SYT9: variants seen among roughly 807,000 people sequenced by gnomAD.
SYT9 encodes the protein synaptotagmin 9, also known as synaptotagmin-9.
A neutral mutation model predicts 48.4 loss-of-function variants in SYT9; 22 were observed. The ratio of observed to expected loss-of-function variants is 0.45; its 90% CI spans 0.32 to 0.65. The LOEUF (loss-of-function observed/expected upper bound fraction) is 0.65. Ranked by LOEUF, SYT9 falls within the 30% of genes least tolerant of loss-of-function variation. The pLI, the probability that SYT9 is intolerant of heterozygous loss-of-function variation, is 0.03. For synonymous variants in SYT9, 265 were observed against 245.0 expected, an observed-to-expected ratio of 1.08 and a Z score of -0.76; for missense variants, 577 against 622.0, an observed-to-expected ratio of 0.93 and a Z score of 0.77.
At chr11:7,338,816 TTC>T (rs1849669843) in intron 3 of SYT9, among the ~76,000 whole-genome samples, 1 of 152,156 alleles carries the variant, frequency 6.6e-6, no homozygotes, top group African/African-American at 2.4e-5. Context: ...AGAATATATA[TTC>T]TGTTTTTGAG....
At chr11:7,273,270 C>A (rs1206874087) in intron 1 of SYT9, among the ~76,000 whole-genome samples, 1 of 151,700 alleles carries the variant, frequency 6.6e-6, no homozygotes, top group Non-Finnish European at 1.5e-5. Context: ...AAAAGAGTTT[C>A]AAATCTTATT....
rs547871320 is a variant in SYT9, at chr11:7,281,363, A to G, written c.146-21676A>G. 3.5e-4 allele frequency among the ~76,000 whole-genome samples: 53 copies of G among 152,358 alleles called. 1 individual carries two copies. The South Asian group carries it at 4.6e-3, about 13-fold the overall frequency. On this transcript the variant is annotated intron_variant, in intron 1 of 6. Coordinates refer to ENST00000318881, the MANE Select transcript of SYT9 (RefSeq NM_175733.4). ...TGCCAGCTCTGTGTTTTGCATCAGT[A>G]GATATTCTGACATGTAAAGGTACCC...
At chr11:7,462,030 T>G (rs1420424394) in intron 6 of SYT9, among the ~76,000 whole-genome samples, 1 of 152,248 alleles carries the variant, frequency 6.6e-6, no homozygotes, top group Non-Finnish European at 1.5e-5. Flanking sequence ...CACACTCTCC[T>G]GTGAAGTCTG....
intron 3 of SYT9, among the ~76,000 whole-genome samples, chr11:7,360,572 C>T (rs898738991): frequency 1.3e-5 from 2 of 151,866 alleles, no homozygotes; most frequent in African/African-American, 4.9e-5. Context: ...CTTCACGTCC[C>T]TTGTAAGGTG....
intron 1 of SYT9, among the ~76,000 whole-genome samples, chr11:7,243,014 C>T (rs373501588): frequency 1.9e-4 from 28 of 151,186 alleles, no homozygotes; most frequent in Middle Eastern, 3.4e-3. Context: ...CCATTGCACT[C>T]CAACCTGGGT....
At chr11:7,305,174 T>G (rs541559904) in intron 2 of SYT9, among the ~76,000 whole-genome samples, 4 of 152,102 alleles carry the variant, frequency 2.6e-5, no homozygotes, top group Non-Finnish European at 5.9e-5. Context: ...AAAGGGAGAG[T>G]GAAGGAATTA....
chr11:7,410,505 A>T (rs1847116687), intron 3 of SYT9, among the ~76,000 whole-genome samples: 1 of 152,192 alleles, frequency 6.6e-6, no homozygotes, highest in South Asian at 2.1e-4. Flanking sequence ...TATTTGCTTT[A>T]TGAATCTGGG....
At chr11:7,464,166 AACT>A (rs1250754127) in intron 6 of SYT9, among the ~76,000 whole-genome samples, 2 of 152,106 alleles carry the variant, frequency 1.3e-5, no homozygotes, top group Non-Finnish European at 1.5e-5. Context: ...TTGTGCACAG[AACT>A]GTGGGGGCAA....
chr11:7,468,592 T>C lies in SYT9; in HGVS notation c.*1792T>C, dbSNP rs1848370872. ...CCACCAGGATAGTTAGCAGAAATAT[T>C]GTCTGTAAAGCTAGGCAGATGAGCC... On this transcript the variant is annotated 3_prime_UTR_variant, in exon 7 of 7. Coordinates refer to ENST00000318881, the MANE Select transcript of SYT9 (RefSeq NM_175733.4). The C allele has an allele frequency of 3.1e-6, 1 of 325,296 alleles. No individual in the cohort carries two copies. The highest frequency in any genetic ancestry group is 5.6e-6 in the Non-Finnish European group (1 of 180,136). 20.2% of individuals were successfully genotyped at this position (325,296 alleles called of 1,614,324 possible).
chr11:7,255,001 A>G (rs536485808), intron 1 of SYT9, among the ~76,000 whole-genome samples: 157 of 152,264 alleles, frequency 1.0e-3, no homozygotes, highest in African/African-American at 3.1e-3. Flanking sequence ...ACTTGATGCA[A>G]TTGTGGTTTA....
At chr11:7,405,447 A>G (rs72846059) in intron 3 of SYT9, among the ~76,000 whole-genome samples, 23,633 of 152,210 alleles carry the variant, frequency 0.16, 2,272 homozygotes, top group Middle Eastern at 0.36. Flanking sequence ...CTTCTTGACA[A>G]CAAATCAGCA....
intron 3 of SYT9, among the ~76,000 whole-genome samples, chr11:7,373,704 A>G (rs1850403709): frequency 1.3e-5 from 2 of 152,096 alleles, no homozygotes; most frequent in Non-Finnish European, 2.9e-5. Flanking sequence ...AACCTACAAA[A>G]ATGGCAGTTT....
At position 7,251,918 on chromosome 11, in the gene SYT9, G is replaced by C. The variant is rs1047869755; in HGVS notation, c.-269G>C. 21 of 376,170 alleles carry C rather than the reference G, an allele frequency of 5.6e-5. No homozygotes were observed. The highest frequency in any genetic ancestry group is 2.3e-4 in the African/African-American group (11 of 47,266). 23.3% of individuals were successfully genotyped at this position (376,170 alleles called of 1,614,324 possible). A position where few individuals can be genotyped will look rare whatever the true frequency, so the allele number is the denominator to read the frequency against. On this transcript the variant is annotated 5_prime_UTR_variant, in exon 1 of 7. Transcript: ENST00000318881. ...AGCAGAGAGGCGCTCTGGGCTGTGCGGCACCGCCTCTCCTCGGTGTCTGGG... is the reference window on the plus strand; with the variant it reads ...AGCAGAGAGGCGCTCTGGGCTGTGCCGCACCGCCTCTCCTCGGTGTCTGGG...
chr11:7,415,194 G>A (rs1275725169), intron 3 of SYT9, among the ~76,000 whole-genome samples: 4 of 152,202 alleles, frequency 2.6e-5, no homozygotes, highest in Non-Finnish European at 4.4e-5. Flanking sequence ...CCACCTGGGG[G>A]TCTGGGTCTC....
chr11:7,308,329 A>T (rs17287311), intron 2 of SYT9, among the ~76,000 whole-genome samples: 2,633 of 152,184 alleles, frequency 0.017, 38 homozygotes, highest in Non-Finnish European at 0.026. Context: ...GTCAGGTTTC[A>T]CCTCTGAGGT....
At chr11:7,344,458 A>G (rs1466443235) in intron 3 of SYT9, among the ~76,000 whole-genome samples, 3 of 152,166 alleles carry the variant, frequency 2.0e-5, no homozygotes, top group African/African-American at 7.2e-5. Context: ...TGGCGTGTCA[A>G]AGAAGTCCTG....
intron 3 of SYT9, among the ~76,000 whole-genome samples, chr11:7,329,399 T>G (rs887851655): frequency 1.3e-5 from 2 of 152,222 alleles, no homozygotes; most frequent in African/African-American, 4.8e-5. Flanking sequence ...TTTGTATAAT[T>G]ATTTGATCCA....
At chr11:7,277,044 A>C (rs1042674513) in intron 1 of SYT9, among the ~76,000 whole-genome samples, 1 of 150,372 alleles carries the variant, frequency 6.7e-6, no homozygotes, top group Admixed American at 6.7e-5. Context: ...ACAGTACGAG[A>C]CTCTATCTCA....
At chr11:7,357,515 G>A (rs959208912) in intron 3 of SYT9, among the ~76,000 whole-genome samples, 3 of 152,124 alleles carry the variant, frequency 2.0e-5, no homozygotes, top group Non-Finnish European at 4.4e-5. Context: ...CAGCTTCTCT[G>A]AGAGAATCCT....
Sources: allele counts gnomAD v4.1 joint callset (sites outside exome capture counted in the v4.1 genomes callset), GRCh38; gene constraint gnomAD v4.1.1; transcripts MANE v1.5; gene names NCBI Gene and HGNC (gene_info 2026-07-23, HGNC 2026-07-21).